TMEM131: variants seen among roughly 807,000 people sequenced by gnomAD.
The protein encoded by TMEM131 is transmembrane protein 131.
A neutral mutation model predicts 211.6 loss-of-function variants in TMEM131; 66 were observed. That is an observed-to-expected ratio of 0.31 (90% CI 0.26 to 0.38). TMEM131 has a LOEUF of 0.38. TMEM131 is among the 10% of genes least tolerant of loss of function. The probability of loss-of-function intolerance (pLI) is 1.00; values close to 1 mark genes in which losing one functional copy is unlikely to be tolerated. For missense variants in TMEM131, 2,036 were observed against 2,299.3 expected (o/e 0.89, Z 2.34); for synonymous variants, 844 against 841.3 (o/e 1.00, Z -0.06).
intron 1 of TMEM131, among the ~76,000 whole-genome samples, chr2:97,977,614 A>G (rs889965865): frequency 3.9e-5 from 6 of 152,264 alleles, no homozygotes; most frequent in Non-Finnish European, 7.3e-5. Context: ...AGAGCGCAAT[A>G]GCATTGTATC....
intron 38 of TMEM131, 169 bp downstream of exon 38, chr2:97,760,424 T>C: frequency 1.5e-6 from 1 of 672,288 alleles, no homozygotes; most frequent in Non-Finnish European, 2.5e-6. Context: ...GCCGGCTTTC[T>C]GCTTCCACCC....
At chr2:97,809,033 G>C (rs748022657) in intron 19 of TMEM131, among the ~76,000 whole-genome samples, 12 of 152,140 alleles carry the variant, frequency 7.9e-5, no homozygotes, top group Admixed American at 2.0e-4. Context: ...CAGTCTGCGG[G>C]TTGGCCTCCA....
chr2:97,930,529 A>G (rs1282225330), intron 1 of TMEM131, among the ~76,000 whole-genome samples: 1 of 151,908 alleles, frequency 6.6e-6, no homozygotes, highest in East Asian at 1.9e-4. Flanking sequence ...GGAAAATACT[A>G]TGTTACACAT....
intron 10 of TMEM131, among the ~76,000 whole-genome samples, chr2:97,833,704 C>G (rs1682815236): frequency 6.7e-6 from 1 of 149,484 alleles, no homozygotes; most frequent in Non-Finnish European, 1.5e-5. Flanking sequence ...GTCACCCAGG[C>G]TGGAGTACAG....
intron 4 of TMEM131, among the ~76,000 whole-genome samples, chr2:97,863,595 G>A (rs572057109): frequency 4.2e-4 from 64 of 152,178 alleles, no homozygotes; most frequent in Non-Finnish European, 8.5e-4. Flanking sequence ...CAAAGTATCT[G>A]AATAGGTATT....
At chr2:97,988,095 G>A (rs1291576078) in intron 1 of TMEM131, among the ~76,000 whole-genome samples, 1 of 135,274 alleles carries the variant, frequency 7.4e-6, no homozygotes, top group Non-Finnish European at 1.7e-5. Flanking sequence ...GTCTGGTACT[G>A]GCATAAAGAC....
At chr2:97,819,953 G>A (rs1419657264) in intron 11 of TMEM131, among the ~76,000 whole-genome samples, 3 of 152,220 alleles carry the variant, frequency 2.0e-5, no homozygotes, top group African/African-American at 7.2e-5. Context: ...AGCATGGAGA[G>A]AGAGAATGAT....
At chr2:97,896,612 T>C (rs879498300) in intron 3 of TMEM131, among the ~76,000 whole-genome samples, 49 of 152,302 alleles carry the variant, frequency 3.2e-4, no homozygotes, top group Admixed American at 5.2e-4. Context: ...TACCATTATG[T>C]AATGCCCTTC....
intron 33 of TMEM131, among the ~76,000 whole-genome samples, chr2:97,768,625 C>CT (rs1482945454): frequency 2.0e-5 from 3 of 152,208 alleles, no homozygotes; most frequent in Admixed American, 6.5e-5. Context: ...GAGTCTCACT[C>CT]TGTCACCCAG....
At chr2:97,993,253 A>G (rs1680339966) in intron 1 of TMEM131, among the ~76,000 whole-genome samples, 1 of 152,250 alleles carries the variant, frequency 6.6e-6, no homozygotes, top group African/African-American at 2.4e-5. Flanking sequence ...ATGCTACTTC[A>G]ATAGACACAA....
intron 1 of TMEM131, among the ~76,000 whole-genome samples, chr2:97,928,795 C>T (rs1677095949): frequency 6.6e-6 from 1 of 151,762 alleles, no homozygotes; most frequent in African/African-American, 2.4e-5. Flanking sequence ...AGGTGTCTCA[C>T]TGTTGGAAGA....
At chr2:97,974,906 T>C (rs1679464539) in intron 1 of TMEM131, among the ~76,000 whole-genome samples, 2 of 152,140 alleles carry the variant, frequency 1.3e-5, no homozygotes, top group African/African-American at 2.4e-5. Flanking sequence ...TCTCAATAAT[T>C]GATGAATAAA....
intron 28 of TMEM131, 88 bp downstream of exon 28, chr2:97,796,130 A>G (rs1483335864): frequency 1.1e-5 from 8 of 736,512 alleles, no homozygotes; most frequent in Non-Finnish European, 1.6e-5. Flanking sequence ...ATTTGTGGAT[A>G]AAGACCTTTG....
At chr2:97,884,257 G>C (rs901281046) in intron 4 of TMEM131, among the ~76,000 whole-genome samples, 5 of 152,074 alleles carry the variant, frequency 3.3e-5, no homozygotes, top group Non-Finnish European at 7.4e-5. Context: ...TCGATTTCTA[G>C]TTTTAAATTC....
At chr2:97,767,537 AGCAAAGGCTGAGAT>A (rs1270426740) in intron 33 of TMEM131, among the ~76,000 whole-genome samples, 11 of 152,134 alleles carry the variant, frequency 7.2e-5, no homozygotes, top group Admixed American at 5.9e-4. Context: ...GACCTTTTCC[AGCAAAGGCTGAGAT>A]GCAGCTCAGA....
chr2:97,797,775 G>C (rs1258580332), intron 25 of TMEM131, among the ~76,000 whole-genome samples: 2 of 152,226 alleles, frequency 1.3e-5, no homozygotes, highest in African/African-American at 4.8e-5. Context: ...TTTGCACAAG[G>C]CATTTGTTTT....
At chr2:97,953,859 A>C (rs1678438449) in intron 1 of TMEM131, among the ~76,000 whole-genome samples, 1 of 152,236 alleles carries the variant, frequency 6.6e-6, no homozygotes, top group Non-Finnish European at 1.5e-5. Flanking sequence ...ATCACAATGT[A>C]ATCAGACTAG....
chr2:97,924,736 A>G (rs1399887922), intron 2 of TMEM131, among the ~76,000 whole-genome samples: 2 of 152,154 alleles, frequency 1.3e-5, no homozygotes, highest in Non-Finnish European at 2.9e-5. Context: ...CCAGGTTTTG[A>G]GGACTTTGGC....
intron 36 of TMEM131, chr2:97,761,407 C>T (rs570559597): frequency 1.8e-4 from 29 of 158,976 alleles, no homozygotes; most frequent in African/African-American, 5.8e-4. Context: ...TGGCCGGTGA[C>T]GCGATGCACA....
Sources: gnomAD v4.1 joint callset for allele counts (sites outside exome capture counted in the v4.1 genomes callset) on GRCh38, gnomAD v4.1.1 for gene constraint, MANE v1.5 for transcripts, NCBI Gene and HGNC (gene_info 2026-07-23, HGNC 2026-07-21) for gene names.